CNTNAP2: variants seen among roughly 807,000 people sequenced by gnomAD.
CNTNAP2 encodes the protein contactin-associated protein-like 2.
Under a neutral mutation model 155.2 loss-of-function variants are expected in CNTNAP2, and 98 were observed. The ratio of observed to expected loss-of-function variants is 0.63; its 90% CI spans 0.54 to 0.75. The LOEUF (loss-of-function observed/expected upper bound fraction) is 0.75. Ranked by LOEUF, CNTNAP2 falls within the 30% of genes least tolerant of loss-of-function variation. The pLI is 0.00. For synonymous variants in CNTNAP2, 651 were observed against 631.2 expected, an observed-to-expected ratio of 1.03 and a Z score of -0.47; for missense variants, 1,727 against 1,688.1, an observed-to-expected ratio of 1.02 and a Z score of -0.40.
chr7:146,784,758 A>C (rs1802545703), intron 2 of CNTNAP2, among the ~76,000 whole-genome samples: 1 of 152,032 alleles, frequency 6.6e-6, no homozygotes, highest in African/African-American at 2.4e-5. Flanking sequence ...CTTGGTCTTG[A>C]TCTTACTGGG....
intron 13 of CNTNAP2, among the ~76,000 whole-genome samples, chr7:147,878,914 T>TA (rs1357564230): frequency 6.6e-6 from 1 of 152,188 alleles, no homozygotes; most frequent in Non-Finnish European, 1.5e-5. Flanking sequence ...AGATGTTAGT[T>TA]AATATTCTTG....
intron 13 of CNTNAP2, among the ~76,000 whole-genome samples, chr7:147,726,341 T>G (rs1241246276): frequency 6.6e-6 from 1 of 151,926 alleles, no homozygotes; most frequent in African/African-American, 2.4e-5. Context: ...GGGATGATAA[T>G]GTAACTGAAC....
At chr7:146,492,154 A>G (rs1797150199) in intron 1 of CNTNAP2, among the ~76,000 whole-genome samples, 1 of 151,278 alleles carries the variant, frequency 6.6e-6, no homozygotes, top group Non-Finnish European at 1.5e-5. Context: ...TGTGCACACA[A>G]TGGTGCACTG....
chr7:147,484,888 C>G (rs1798484584), intron 10 of CNTNAP2, among the ~76,000 whole-genome samples: 1 of 152,176 alleles, frequency 6.6e-6, no homozygotes, highest in South Asian at 2.1e-4. Context: ...TTTGAGAGTT[C>G]CCTACTAAAG....
chr7:148,081,967 T>G (rs1298403914), intron 15 of CNTNAP2, among the ~76,000 whole-genome samples: 1 of 146,628 alleles, frequency 6.8e-6, no homozygotes, highest in African/African-American at 2.8e-5. Flanking sequence ...TGTTTGCTTG[T>G]TTTTTTTAAT....
intron 1 of CNTNAP2, among the ~76,000 whole-genome samples, chr7:146,722,251 C>A (rs1248676032): frequency 6.6e-6 from 1 of 151,904 alleles, no homozygotes; most frequent in Non-Finnish European, 1.5e-5. Flanking sequence ...ACAACAGGAA[C>A]AATTGCTGAA....
At chr7:148,398,009 G>A (rs1054174090) in intron 22 of CNTNAP2, among the ~76,000 whole-genome samples, 1 of 152,300 alleles carries the variant, frequency 6.6e-6, no homozygotes, top group African/African-American at 2.4e-5. Context: ...ACATTGTCTT[G>A]GGATTGGAAT....
At chr7:147,949,405 A>T (rs1246033516) in intron 14 of CNTNAP2, among the ~76,000 whole-genome samples, 1 of 147,206 alleles carries the variant, frequency 6.8e-6, no homozygotes, top group Non-Finnish European at 1.5e-5. Flanking sequence ...GGACTCACAC[A>T]GTTCAAACCT....
chr7:146,808,812 G>C (rs1309318580), intron 2 of CNTNAP2, among the ~76,000 whole-genome samples: 1 of 152,012 alleles, frequency 6.6e-6, no homozygotes, highest in East Asian at 1.9e-4. Context: ...ATTTTTCTTT[G>C]TTTATCAAGC....
At chr7:147,280,376 T>A (rs1805006937) in intron 8 of CNTNAP2, among the ~76,000 whole-genome samples, 1 of 151,876 alleles carries the variant, frequency 6.6e-6, no homozygotes, top group Admixed American at 6.6e-5. Flanking sequence ...TATTCAGGCG[T>A]CTCTTACAGG....
intron 1 of CNTNAP2, among the ~76,000 whole-genome samples, chr7:146,633,844 A>C (rs1261824625): frequency 2.6e-5 from 4 of 151,154 alleles, no homozygotes; most frequent in East Asian, 2.0e-4. Context: ...AAAAAAAAAA[A>C]AAAAAAAAAA....
At chr7:148,258,775 A>T (rs1796502133) in intron 20 of CNTNAP2, among the ~76,000 whole-genome samples, 1 of 151,926 alleles carries the variant, frequency 6.6e-6, no homozygotes, top group African/African-American at 2.4e-5. Flanking sequence ...GGTGGCCTAC[A>T]ATCCCAGCAT....
chr7:147,774,978 C>A (rs150157839), intron 13 of CNTNAP2, among the ~76,000 whole-genome samples: 61 of 151,786 alleles, frequency 4.0e-4, no homozygotes, highest in African/African-American at 1.3e-3. Context: ...GCTTTCTCTA[C>A]TTACTATGCT....
intron 21 of CNTNAP2, among the ~76,000 whole-genome samples, chr7:148,305,717 C>A (rs539923226): frequency 6.6e-6 from 1 of 152,274 alleles, no homozygotes; most frequent in East Asian, 1.9e-4. Context: ...CTCTTGAGAA[C>A]CCACTCACAC....
Position 147,194,026 on chromosome 7 carries a change from A to C in CNTNAP2, c.1348+61517A>C, listed in dbSNP as rs151132703. Among the ~76,000 whole-genome samples, 379 of 151,936 alleles carry C rather than the reference A, an allele frequency of 2.5e-3. 1 individual carries two copies. Among genetic ancestry groups the C allele is most frequent in the African/African-American group, 8.7e-3 (362 of 41,430 alleles). On this transcript the variant is annotated intron_variant, in intron 8 of 23. Transcript: ENST00000361727. The stretch of plus-strand genomic sequence containing the variant: ...GTGCAGGTTTGTTACATAGTTATAC[A>C]TGTGCCACGGTGGTTTGCTGTACCT...
Position 146,558,583 on chromosome 7 carries a change from A to G in CNTNAP2, c.98-215688A>G, listed in dbSNP as rs567321785. Reference sequence around the variant, plus strand: ...CCTTCTTCCTTTTTATTTATTTATTATTATTATGATTTTTTTGGGGGGGAA... The same window carrying G: ...CCTTCTTCCTTTTTATTTATTTATTGTTATTATGATTTTTTTGGGGGGGAA... On this transcript the variant is annotated intron_variant, in intron 1 of 23. Coordinates refer to ENST00000361727, the MANE Select transcript of CNTNAP2 (RefSeq NM_014141.6). Among the ~76,000 whole-genome samples, 7 of 152,124 alleles carry G rather than the reference A, an allele frequency of 4.6e-5. No individual in the cohort carries two copies. In the South Asian group the frequency reaches 1.2e-3, roughly 27 times the overall value.
At chr7:148,083,341 G>C (rs923812678) in intron 15 of CNTNAP2, among the ~76,000 whole-genome samples, 1 of 152,158 alleles carries the variant, frequency 6.6e-6, no homozygotes, top group Non-Finnish European at 1.5e-5. Context: ...GTTGCAGAGT[G>C]GGGGGCAGTG....
chr7:146,788,421 T>C (rs1802614587), intron 2 of CNTNAP2, among the ~76,000 whole-genome samples: 1 of 152,248 alleles, frequency 6.6e-6, no homozygotes, highest in South Asian at 2.1e-4. Context: ...AGGTCATATG[T>C]TCTCATAGGA....
chr7:147,448,316 A>T lies in CNTNAP2; in HGVS notation c.1671-37619A>T, dbSNP rs569617707. Among the ~76,000 whole-genome samples the T allele has an allele frequency of 1.9e-3, 286 of 152,202 alleles. 1 individual carries two copies. The highest frequency in any genetic ancestry group is 3.5e-3 in the Admixed American group (53 of 15,286). On this transcript the variant is annotated intron_variant, in intron 10 of 23. Transcript: ENST00000361727. ...ATTAAGATTTCCAAATTAAATTTTTAAATTTATAACTAGAGAGATTTTTAA... is the reference window on the plus strand; with the variant it reads ...ATTAAGATTTCCAAATTAAATTTTTTAATTTATAACTAGAGAGATTTTTAA...
Sources: allele counts gnomAD v4.1 joint callset (sites outside exome capture counted in the v4.1 genomes callset), GRCh38; gene constraint gnomAD v4.1.1; transcripts MANE v1.5; gene names NCBI Gene and HGNC (gene_info 2026-07-23, HGNC 2026-07-21).